The following AGBL4 variants were observed in gnomAD, a reference collection of about 807,000 sequenced individuals.
AGBL4 encodes AGBL carboxypeptidase 4.
Under a neutral mutation model 66.4 loss-of-function variants are expected in AGBL4, and 58 were observed. The observed-to-expected ratio is 0.87, with a 90% CI of 0.71 to 1.09. AGBL4 has a LOEUF of 1.09. Among genes scored for constraint, AGBL4 ranks in the 50% least tolerant of loss-of-function variants. The pLI is 0.00. For synonymous variants in AGBL4, 234 were observed against 222.9 expected (o/e 1.05, Z -0.44); for missense variants, 579 against 631.0 (o/e 0.92, Z 0.88).
chr1:49,665,871 A>G (rs969805756), intron 3 of AGBL4, among the ~76,000 whole-genome samples: 1 of 151,358 alleles, frequency 6.6e-6, no homozygotes, highest in Admixed American at 6.6e-5. Context: ...AGACCCTTCT[A>G]AAGTCAGGTG....
In AGBL4 at chr1:49,607,355, T is replaced by C. The variant is rs1361475404; in HGVS notation, c.282+89958A>G. On this transcript the variant is annotated intron_variant, in intron 3 of 13. Coordinates refer to ENST00000371839, the MANE Select transcript of AGBL4 (RefSeq NM_032785.4). ...ATTCAAGCCTCAGTCTTCCTTTACA[T>C]TTTTATTTTCTATTTTCTGCTGCTT... Among the ~76,000 whole-genome samples the C allele has an allele frequency of 5.3e-5, 8 of 152,260 alleles. No homozygotes were observed. The East Asian group carries it at 1.5e-3, about 29-fold the overall frequency.
At chr1:49,496,571 C>T (rs1227337807) in intron 3 of AGBL4, among the ~76,000 whole-genome samples, 1 of 138,090 alleles carries the variant, frequency 7.2e-6, no homozygotes, top group Non-Finnish European at 1.6e-5. Flanking sequence ...CTAACCTTCA[C>T]TTCTATGAGT....
chr1:49,123,245 CT>C (rs1645697786), intron 4 of AGBL4, among the ~76,000 whole-genome samples: 1 of 152,116 alleles, frequency 6.6e-6, no homozygotes, highest in African/African-American at 2.4e-5. Context: ...ATTATTACCT[CT>C]AATTTATAGA....
chr1:49,735,066 C>A (rs966673321), intron 2 of AGBL4, among the ~76,000 whole-genome samples: 1 of 151,928 alleles, frequency 6.6e-6, no homozygotes, highest in Non-Finnish European at 1.5e-5. Flanking sequence ...CATCAAGATG[C>A]AAGACAATAA....
At chr1:49,046,491 C>A (rs1318626221) in intron 4 of AGBL4, among the ~76,000 whole-genome samples, 3 of 152,136 alleles carry the variant, frequency 2.0e-5, no homozygotes, top group Non-Finnish European at 4.4e-5. Flanking sequence ...GCTGTGTGGG[C>A]AATTTTGCTA....
intron 6 of AGBL4, among the ~76,000 whole-genome samples, chr1:48,666,286 G>C (rs7520206): frequency 0.082 from 12,535 of 151,950 alleles, 1,694 homozygotes; most frequent in African/African-American, 0.28. Context: ...ACATATTCTT[G>C]GTGGAGGCAG....
chr1:49,328,201 T>C (rs959249255), intron 3 of AGBL4, among the ~76,000 whole-genome samples: 3 of 152,150 alleles, frequency 2.0e-5, no homozygotes, highest in African/African-American at 7.2e-5. Context: ...CAGAAAATGA[T>C]TAAAAATAAA....
At chr1:49,919,932 C>G (rs920898534) in intron 1 of AGBL4, among the ~76,000 whole-genome samples, 1 of 152,104 alleles carries the variant, frequency 6.6e-6, no homozygotes, top group East Asian at 1.9e-4. Flanking sequence ...AGAAATAATA[C>G]CACACATCTA....
intron 3 of AGBL4, among the ~76,000 whole-genome samples, chr1:49,492,055 T>G (rs1647196597): frequency 6.6e-6 from 1 of 151,968 alleles, no homozygotes; most frequent in African/African-American, 2.4e-5. Context: ...CAAAATACTT[T>G]ATTGTACTGC....
intron 4 of AGBL4, among the ~76,000 whole-genome samples, chr1:49,164,067 GC>G (rs1646588699): frequency 6.6e-6 from 1 of 152,170 alleles, no homozygotes; most frequent in African/African-American, 2.4e-5. Context: ...TAGGTTGTGT[GC>G]ATAGTATATG....
chr1:49,204,718 G>A (rs1317873302), intron 4 of AGBL4, among the ~76,000 whole-genome samples: 1 of 152,002 alleles, frequency 6.6e-6, no homozygotes, highest in Non-Finnish European at 1.5e-5. Flanking sequence ...TATGGGTAAG[G>A]ACAAATGATA....
chr1:49,321,590 G>T (rs865973013), intron 3 of AGBL4, among the ~76,000 whole-genome samples: 1 of 152,166 alleles, frequency 6.6e-6, no homozygotes, highest in Non-Finnish European at 1.5e-5. Flanking sequence ...ATGTCTTAGA[G>T]AAATGCTCAC....
intron 1 of AGBL4, among the ~76,000 whole-genome samples, chr1:49,947,963 A>AATATATATTTAT (rs1655402878): frequency 1.3e-5 from 1 of 74,942 alleles, no homozygotes; most frequent in Admixed American, 2.0e-4. Context: ...TATATATATA[A>AATATATATTTAT]ATATATATAT....
chr1:48,557,543 C>T (rs1248836248), intron 11 of AGBL4, among the ~76,000 whole-genome samples: 1 of 152,068 alleles, frequency 6.6e-6, no homozygotes, highest in Non-Finnish European at 1.5e-5. Flanking sequence ...CATCTGAAGG[C>T]ATTTCCAAGG....
intron 3 of AGBL4, among the ~76,000 whole-genome samples, chr1:49,423,735 G>A (rs1315506221): frequency 1.3e-5 from 2 of 149,604 alleles, no homozygotes; most frequent in East Asian, 2.0e-4. Flanking sequence ...TCACCTGCAC[G>A]TGGGAGGCGG....
intron 2 of AGBL4, among the ~76,000 whole-genome samples, chr1:49,733,810 G>A (rs1443372327): frequency 1.3e-5 from 2 of 150,320 alleles, no homozygotes; most frequent in East Asian, 3.9e-4. Flanking sequence ...TACAACCAAA[G>A]CCAGGCAATG....
chr1:49,112,003 T>C (rs1645421563), intron 4 of AGBL4, among the ~76,000 whole-genome samples: 1 of 152,240 alleles, frequency 6.6e-6, no homozygotes, highest in African/African-American at 2.4e-5. Context: ...AGATGCATTC[T>C]TTGAGTCTGA....
At chr1:48,669,377 G>T (rs1646240837) in intron 6 of AGBL4, among the ~76,000 whole-genome samples, 1 of 152,190 alleles carries the variant, frequency 6.6e-6, no homozygotes, top group Non-Finnish European at 1.5e-5. Flanking sequence ...CAGAGCTCTT[G>T]GTTCTGCGGG....
chr1:49,556,516 TTATATA>T (rs35314433), intron 3 of AGBL4, among the ~76,000 whole-genome samples: 3 of 146,672 alleles, frequency 2.0e-5, no homozygotes, highest in African/African-American at 7.5e-5. Context: ...ATAAAAAAAA[TTATATA>T]TATATATATA....
Sources: gnomAD v4.1 joint callset for allele counts (sites outside exome capture counted in the v4.1 genomes callset) on GRCh38, gnomAD v4.1.1 for gene constraint, MANE v1.5 for transcripts, NCBI Gene and HGNC (gene_info 2026-07-23, HGNC 2026-07-21) for gene names.